The following GABBR2 variants were observed in gnomAD, a reference collection of about 807,000 sequenced individuals.
GABBR2 encodes the protein gamma-aminobutyric acid type B receptor subunit 2.
Under a neutral mutation model 105.6 loss-of-function variants are expected in GABBR2, and 23 were observed. The observed-to-expected ratio is 0.22, with a 90% confidence interval of 0.16 to 0.31. GABBR2 has a LOEUF of 0.31. Among genes scored for constraint, GABBR2 ranks in the 10% least tolerant of loss-of-function variants. GABBR2 has a pLI of 1.00. For synonymous variants in GABBR2, 478 were observed against 499.7 expected (o/e 0.96, Z 0.58); for missense variants, 734 against 1,245.5 (o/e 0.59, Z 6.18).
intron 6 of GABBR2, among the ~76,000 whole-genome samples, chr9:98,458,520 C>T (rs1826364802): frequency 6.6e-6 from 1 of 152,128 alleles, no homozygotes; most frequent in Admixed American, 6.5e-5. Flanking sequence ...CCTGGCCAAC[C>T]TGGCAAAACC....
At chr9:98,463,596 GCTCTCCGTCTCGCTCTC>G in intron 6 of GABBR2, among the ~76,000 whole-genome samples, 1 of 45,336 alleles carries the variant, frequency 2.2e-5, no homozygotes, top group South Asian at 6.4e-4. Context: ...TCGCCCTCTC[GCTCTCCGTCTCGCTCTC>G]GCTCTCGCTC....
intron 2 of GABBR2, among the ~76,000 whole-genome samples, chr9:98,558,900 T>C (rs1292237712): frequency 6.6e-6 from 1 of 152,226 alleles, no homozygotes; most frequent in Non-Finnish European, 1.5e-5. Context: ...TATGTTTGAC[T>C]CTTCGTAGAA....
rs1039781039 is a variant in GABBR2 at position 98,508,434 on chromosome 9, C to T, written c.631-11920G>A. Among the ~76,000 whole-genome samples, 5 of 152,356 alleles carry T rather than the reference C, an allele frequency of 3.3e-5. No homozygotes were observed. The South Asian group carries it at 6.2e-4, about 19-fold the overall frequency. On this transcript the variant is annotated intron_variant, in intron 3 of 18. Coordinates refer to ENST00000259455, the MANE Select transcript of GABBR2 (RefSeq NM_005458.8). ...AGTAAGTGCAGGACAGTGGGTGCAG[C>T]GCACCGTGCGCGAGCCAAAGCAGGG...
At chr9:98,614,724 T>C (rs996067199) in intron 1 of GABBR2, among the ~76,000 whole-genome samples, 1 of 151,934 alleles carries the variant, frequency 6.6e-6, no homozygotes, top group Non-Finnish European at 1.5e-5. Context: ...ATAGCTGTTG[T>C]TTCTGTGGAG....
intron 7 of GABBR2, among the ~76,000 whole-genome samples, chr9:98,450,097 T>C (rs190871574): frequency 2.6e-4 from 40 of 152,204 alleles, no homozygotes; most frequent in African/African-American, 9.6e-4. Flanking sequence ...AATTGAGTCA[T>C]GGATATAATT....
intron 3 of GABBR2, among the ~76,000 whole-genome samples, chr9:98,530,912 T>C (rs544153057): frequency 6.6e-6 from 1 of 151,942 alleles, no homozygotes; most frequent in South Asian, 2.1e-4. Flanking sequence ...CTGATGTGTG[T>C]GTGTATAGAG....
intron 11 of GABBR2, among the ~76,000 whole-genome samples, chr9:98,383,658 T>C (rs1024282613): frequency 6.6e-6 from 1 of 152,218 alleles, no homozygotes; most frequent in Non-Finnish European, 1.5e-5. Flanking sequence ...AAAGTAAATG[T>C]ATCTGTAGAC....
chr9:98,653,814 C>T (rs1194391243), intron 1 of GABBR2, among the ~76,000 whole-genome samples: 1 of 152,138 alleles, frequency 6.6e-6, no homozygotes, highest in East Asian at 1.9e-4. Flanking sequence ...GCATACAGTG[C>T]TGACCTTTAG....
chr9:98,697,383 C>T lies in GABBR2; in HGVS notation c.321+11034G>A, dbSNP rs531686683. Among the ~76,000 whole-genome samples, 26 of 151,642 alleles carry T rather than the reference C, an allele frequency of 1.7e-4. No individual in the cohort carries two copies. The East Asian group carries it at 4.7e-3, about 27-fold the overall frequency. The stretch of plus-strand genomic sequence containing the variant: ...GCGGGCGCCTGTAGTCCCAGCTACT[C>T]GGAAGGCGGAGGCAGGAGAATGGCG... On this transcript the variant is annotated intron_variant, in intron 1 of 18. Transcript: ENST00000259455.
intron 12 of GABBR2, among the ~76,000 whole-genome samples, chr9:98,365,751 G>A (rs774609264): frequency 5.3e-5 from 8 of 151,976 alleles, no homozygotes; most frequent in Non-Finnish European, 8.8e-5. Flanking sequence ...GTACACCCGT[G>A]GGAATACAAA....
At chr9:98,694,124 T>C (rs1830718939) in intron 1 of GABBR2, among the ~76,000 whole-genome samples, 1 of 152,260 alleles carries the variant, frequency 6.6e-6, no homozygotes, top group Admixed American at 6.5e-5. Flanking sequence ...CACACAGGCA[T>C]TCCAGCCGCC....
chr9:98,502,648 A>G (rs937670166), intron 3 of GABBR2, among the ~76,000 whole-genome samples: 1 of 152,124 alleles, frequency 6.6e-6, no homozygotes, highest in Non-Finnish European at 1.5e-5. Flanking sequence ...CCCGCTTGGC[A>G]CTGGACACTC....
chr9:98,445,339 T>G (rs956621495), intron 7 of GABBR2, among the ~76,000 whole-genome samples: 23 of 152,178 alleles, frequency 1.5e-4, no homozygotes, highest in African/African-American at 5.6e-4. Flanking sequence ...TCCAGAACCC[T>G]CCAATCGGGT....
chr9:98,441,869 C>T (rs1436393557), intron 7 of GABBR2, among the ~76,000 whole-genome samples: 2 of 151,990 alleles, frequency 1.3e-5, no homozygotes, highest in Non-Finnish European at 1.5e-5. Context: ...GATTGAGAAC[C>T]ACTGCCATGG....
At chr9:98,342,513 G>A (rs1298812215) in intron 13 of GABBR2, among the ~76,000 whole-genome samples, 3 of 152,070 alleles carry the variant, frequency 2.0e-5, no homozygotes, top group African/African-American at 7.2e-5. Flanking sequence ...ATGGGGTATG[G>A]TCCTCCCTAG....
chr9:98,389,131 A>T lies in GABBR2; in HGVS notation c.1379-127T>A, dbSNP rs544101464. ...AACTCTACACAAGGCACATCTATCTACCGGGTGAGCCAGATCCGGTGGTTG... is the reference window on the plus strand; with the variant it reads ...AACTCTACACAAGGCACATCTATCTTCCGGGTGAGCCAGATCCGGTGGTTG... On this transcript the variant is annotated intron_variant, in intron 9 of 18. Coordinates refer to ENST00000259455, the MANE Select transcript of GABBR2 (RefSeq NM_005458.8). The T allele has an allele frequency of 6.8e-6, 5 of 735,612 alleles. No homozygotes were observed. The African/African-American group carries it at 8.7e-5, about 13-fold the overall frequency. 45.6% of individuals were successfully genotyped at this position (735,612 alleles called of 1,614,324 possible).
chr9:98,501,155 T>G (rs1827393109), intron 3 of GABBR2, among the ~76,000 whole-genome samples: 1 of 119,384 alleles, frequency 8.4e-6, no homozygotes, highest in Non-Finnish European at 1.8e-5. Flanking sequence ...CCCTGCTCCT[T>G]TTTTTTTTAA....
chr9:98,363,199 C>T (rs78162521), intron 12 of GABBR2, among the ~76,000 whole-genome samples: 59 of 152,252 alleles, frequency 3.9e-4, no homozygotes, highest in African/African-American at 1.4e-3. Context: ...TTAAACATCT[C>T]GATCAATTGT....
intron 7 of GABBR2, among the ~76,000 whole-genome samples, chr9:98,432,811 C>G (rs925325892): frequency 6.6e-6 from 1 of 152,184 alleles, no homozygotes; most frequent in Non-Finnish European, 1.5e-5. Flanking sequence ...CTCAGCCCCA[C>G]GTGAGGCCCA....
Sources: allele counts gnomAD v4.1 joint callset (sites outside exome capture counted in the v4.1 genomes callset), GRCh38; gene constraint gnomAD v4.1.1; transcripts MANE v1.5; gene names NCBI Gene and HGNC (gene_info 2026-07-23, HGNC 2026-07-21).